Variants in SGCZ observed in about 807,000 individuals in gnomAD.
SGCZ encodes sarcoglycan zeta, also known as zeta-sarcoglycan.
In SGCZ, 40 loss-of-function variants were observed where a neutral mutation model predicts 41.3. The ratio of observed to expected loss-of-function variants is 0.97; its 90% CI spans 0.75 to 1.26. SGCZ has a LOEUF of 1.26. Among genes scored for constraint, SGCZ ranks in the 50% most tolerant of loss-of-function variants. The pLI is 0.00. For missense variants in SGCZ, 552 were observed against 369.8 expected (o/e 1.49, Z -4.04); for synonymous variants, 206 against 137.5 (o/e 1.50, Z -3.49).
intron 2 of SGCZ, among the ~76,000 whole-genome samples, chr8:14,383,854 G>C (rs2117198297): frequency 1.3e-5 from 2 of 152,184 alleles, no homozygotes; most frequent in African/African-American, 4.8e-5. Context: ...AGCATTATTT[G>C]GCAGGAAGAG....
intron 4 of SGCZ, among the ~76,000 whole-genome samples, chr8:14,217,987 G>C (rs942820727): frequency 6.6e-6 from 1 of 151,912 alleles, no homozygotes; most frequent in Non-Finnish European, 1.5e-5. Flanking sequence ...TCTCAATCTG[G>C]TAACAGAGTC....
At chr8:14,617,305 T>C (rs1806136774) in intron 1 of SGCZ, among the ~76,000 whole-genome samples, 2 of 152,218 alleles carry the variant, frequency 1.3e-5, no homozygotes, top group South Asian at 2.1e-4. Context: ...ATGTGTGATT[T>C]GATAATATGT....
chr8:14,767,858 C>T (rs1800093131), intron 1 of SGCZ, among the ~76,000 whole-genome samples: 1 of 152,126 alleles, frequency 6.6e-6, no homozygotes, highest in African/African-American at 2.4e-5. Flanking sequence ...TAGATTCTTC[C>T]TCACTGCTGA....
At chr8:14,306,638 T>C (rs1173631123) in intron 3 of SGCZ, among the ~76,000 whole-genome samples, 1 of 152,112 alleles carries the variant, frequency 6.6e-6, no homozygotes, top group Non-Finnish European at 1.5e-5. Context: ...AAATCACAGA[T>C]ACATGAGGAA....
intron 2 of SGCZ, among the ~76,000 whole-genome samples, chr8:14,454,616 G>A (rs1021573009): frequency 5.3e-5 from 8 of 151,962 alleles, no homozygotes; most frequent in African/African-American, 1.9e-4. Flanking sequence ...AATATGTGAA[G>A]GAAAATTTGC....
chr8:14,416,395 A>T (rs1418513221), intron 2 of SGCZ, among the ~76,000 whole-genome samples: 1 of 151,868 alleles, frequency 6.6e-6, no homozygotes, highest in African/African-American at 2.4e-5. Context: ...ATCTTATTAT[A>T]TTAGGAGTAT....
At chr8:14,693,560 A>C (rs1808867246) in intron 1 of SGCZ, among the ~76,000 whole-genome samples, 2 of 138,736 alleles carry the variant, frequency 1.4e-5, no homozygotes, top group South Asian at 4.9e-4. Context: ...CTGGGATTAC[A>C]GGCGTCAGCT....
intron 7 of SGCZ, among the ~76,000 whole-genome samples, chr8:14,096,110 G>A (rs1801837838): frequency 1.3e-5 from 2 of 151,942 alleles, no homozygotes; most frequent in African/African-American, 4.8e-5. Flanking sequence ...TCTTTTTCCT[G>A]ACTGCCCTAG....
intron 1 of SGCZ, among the ~76,000 whole-genome samples, chr8:14,745,050 C>A (rs75136268): frequency 6.6e-6 from 1 of 152,124 alleles, no homozygotes; most frequent in African/African-American, 2.4e-5. Flanking sequence ...CTCTGTATAA[C>A]GTAAATGTAT....
chr8:14,908,969 T>G (rs1799202327), intron 1 of SGCZ, among the ~76,000 whole-genome samples: 1 of 152,172 alleles, frequency 6.6e-6, no homozygotes, highest in Non-Finnish European at 1.5e-5. Flanking sequence ...TGCCTATGTA[T>G]TTTATGTCAT....
At chr8:14,611,274 C>A (rs1325905483) in intron 1 of SGCZ, among the ~76,000 whole-genome samples, 1 of 151,790 alleles carries the variant, frequency 6.6e-6, no homozygotes, top group Non-Finnish European at 1.5e-5. Flanking sequence ...ATTTTTATTC[C>A]CTTTGAGAAA....
rs553919699 is a variant in SGCZ at position 14,695,986 on chromosome 8, G to T, written c.40-141060C>A. Among the ~76,000 whole-genome samples, 49 of 152,176 alleles carry T rather than the reference G, an allele frequency of 3.2e-4. No individual in the cohort carries two copies. In the South Asian group the frequency reaches 5.2e-3, roughly 16 times the overall value. ...TTGCTTCTACAATTACCATATCAGT[G>T]AAATTTTATAAGATATTGGTCACCT... On this transcript the variant is annotated intron_variant, in intron 1 of 7. Transcript: ENST00000382080.
At chr8:14,320,742 C>T (rs1801889894) in intron 3 of SGCZ, among the ~76,000 whole-genome samples, 1 of 152,002 alleles carries the variant, frequency 6.6e-6, no homozygotes, top group African/African-American at 2.4e-5. Context: ...GGTAGTAGTT[C>T]CTCTGTCACC....
At chr8:15,089,405 T>TA (rs1469201170) in intron 1 of SGCZ, among the ~76,000 whole-genome samples, 1 of 152,130 alleles carries the variant, frequency 6.6e-6, no homozygotes, top group Non-Finnish European at 1.5e-5. Flanking sequence ...ATAAATTTCT[T>TA]AAAATATGCT....
chr8:14,189,069 G>C (rs1444242931), intron 4 of SGCZ, among the ~76,000 whole-genome samples: 1 of 150,246 alleles, frequency 6.7e-6, no homozygotes, highest in East Asian at 2.0e-4. Context: ...ATGTTGGCAA[G>C]GCTGGTCTTG....
intron 1 of SGCZ, among the ~76,000 whole-genome samples, chr8:14,982,115 A>G (rs1007380905): frequency 1.3e-5 from 2 of 149,942 alleles, no homozygotes; most frequent in Non-Finnish European, 3.0e-5. Flanking sequence ...ACGCCACTGT[A>G]CTCCTGCACT....
intron 2 of SGCZ, among the ~76,000 whole-genome samples, chr8:14,349,726 C>T (rs1324077834): frequency 6.6e-6 from 1 of 152,108 alleles, no homozygotes; most frequent in Non-Finnish European, 1.5e-5. Context: ...TGTGTTAAAT[C>T]TTTGAAATTG....
intron 1 of SGCZ, among the ~76,000 whole-genome samples, chr8:15,147,696 T>A (rs1799073615): frequency 6.6e-6 from 1 of 152,164 alleles, no homozygotes; most frequent in Non-Finnish European, 1.5e-5. Flanking sequence ...CACAGCCAGA[T>A]AAGACTGAGA....
At chr8:14,984,039 G>C (rs753199172) in intron 1 of SGCZ, among the ~76,000 whole-genome samples, 2 of 152,058 alleles carry the variant, frequency 1.3e-5, no homozygotes, top group Non-Finnish European at 2.9e-5. Flanking sequence ...GGAATATTTA[G>C]CTGAATGGCA....
Sources: allele counts gnomAD v4.1 joint callset (sites outside exome capture counted in the v4.1 genomes callset), GRCh38; gene constraint gnomAD v4.1.1; transcripts MANE v1.5; gene names NCBI Gene and HGNC (gene_info 2026-07-23, HGNC 2026-07-21).